ABCB4: variants seen among roughly 807,000 people sequenced by gnomAD.
ABCB4 encodes the protein phosphatidylcholine translocator ABCB4.
In ABCB4, 76 loss-of-function variants were observed where a neutral mutation model predicts 145.7. The observed-to-expected ratio is 0.52, with a 90% CI of 0.43 to 0.63. The LOEUF (loss-of-function observed/expected upper bound fraction) is 0.63, where lower values mean the gene tolerates loss of function less well. ABCB4 is among the 30% of genes least tolerant of loss of function. The pLI, the probability that ABCB4 is intolerant of heterozygous loss-of-function variation, is 0.00. For missense variants in ABCB4, 1,234 were observed against 1,553.1 expected (o/e 0.79, Z 3.45); for synonymous variants, 517 against 566.8 (o/e 0.91, Z 1.25).
At chr7:87,369,235 T>C in the ABCB4 span, 1 of 518,662 alleles carries the variant, frequency 1.9e-6, no homozygotes, top group Non-Finnish European at 3.5e-6. Flanking sequence ...TAATACATTA[T>C]TTTTGTTATG....
In ABCB4 at chr7:87,440,362, T is replaced by G; in HGVS notation, c.1397A>C (p.Asn466Thr). The change falls in exon 13 of 28, where the codon AAC becomes ACC. Residue 466 changes from asparagine (N) to threonine (T), a missense_variant. By Grantham distance (65) the Asn-to-Thr change is moderately conservative. Around this residue, in one of 7 missense-constraint regions of ABCB4, gnomAD observed 467 missense variants for 632.8 expected, o/e 0.74. Coordinates refer to ENST00000649586, the MANE Select transcript of ABCB4 (RefSeq NM_000443.4). The part of the protein sequence containing the change: ...DGQDIRNFNV[N>T]YLREIIGVVS... Reference sequence around the variant, plus strand: ...CACACCAATGATTTCCCTCAGATAGTTTACATTAAAGTTCCTAATATCCTG... The same window carrying G: ...CACACCAATGATTTCCCTCAGATAGGTTACATTAAAGTTCCTAATATCCTG... 6.2e-7 allele frequency: 1 copy of G among 1,614,106 alleles called. No individual in the cohort carries two copies. The highest frequency in any genetic ancestry group is 8.5e-7 in the Non-Finnish European group (1 of 1,180,006).
intron 4 of ABCB4, among the ~76,000 whole-genome samples, chr7:87,457,949 T>C (rs1473158676): frequency 6.6e-6 from 1 of 152,230 alleles, no homozygotes; most frequent in African/African-American, 2.4e-5. Context: ...TCTCCTTTCT[T>C]TGTGTTACAA....
the ABCB4 span, among the ~76,000 whole-genome samples, chr7:87,383,175 G>A: frequency 6.6e-6 from 1 of 152,018 alleles, no homozygotes. Flanking sequence ...GTTAACTATA[G>A]TCAACCTACT....
chr7:87,385,149 T>TC, the ABCB4 span, among the ~76,000 whole-genome samples: 2 of 152,008 alleles, frequency 1.3e-5, no homozygotes, highest in African/African-American at 4.8e-5. Context: ...TTTTTTTTTT[T>TC]CCCCTGGTAT....
At chr7:87,454,725 A>C in intron 4 of ABCB4, 133 bp from the exon 5 acceptor site, 4 of 724,070 alleles carry the variant, frequency 5.5e-6, no homozygotes, top group Non-Finnish European at 9.2e-6. Context: ...CTCTTTAAAA[A>C]ACACTTTTCT....
intron 13 of ABCB4, among the ~76,000 whole-genome samples, 166 bp downstream of exon 13, chr7:87,440,033 C>A (rs1810865001): frequency 1.3e-5 from 2 of 152,110 alleles, no homozygotes; most frequent in Non-Finnish European, 2.9e-5. Context: ...AATCATCTAC[C>A]ATGCTATAAT....
intron 23 of ABCB4, 116 bp from the exon 24 acceptor site, chr7:87,409,508 C>T (rs1192958541): frequency 1.5e-5 from 15 of 1,016,264 alleles, no homozygotes; most frequent in Non-Finnish European, 2.1e-5. Flanking sequence ...TAATCATCCC[C>T]TTTCTCCCCG....
At chr7:87,433,944 T>G (rs1810424997) in intron 14 of ABCB4, among the ~76,000 whole-genome samples, 2 of 151,854 alleles carry the variant, frequency 1.3e-5, no homozygotes, top group South Asian at 4.2e-4. Context: ...TTCTTTTTTT[T>G]TTTTGAGATG....
At chr7:87,367,661 C>T in the ABCB4 span, among the ~76,000 whole-genome samples, 5 of 152,208 alleles carry the variant, frequency 3.3e-5, no homozygotes, top group African/African-American at 1.2e-4. Context: ...TCTTCTATAT[C>T]TGTGCTGAGT....
In ABCB4 at chr7:87,406,456, C is replaced by G. The variant is rs779653372; in HGVS notation, c.3318G>C (p.Gln1106His). The G allele has an allele frequency of 3.7e-6, 6 of 1,613,914 alleles. No homozygotes were observed. The South Asian group carries it at 6.6e-5, about 18-fold the overall frequency. The change falls in exon 26 of 28, where the codon CAG (glutamine) becomes CAC (histidine). Residue 1106 changes from glutamine to histidine, a missense_variant. This residue lies in a region of ABCB4 where 301 missense variants were observed against 389.0 expected (regional missense o/e 0.77). Coordinates refer to ENST00000649586, the MANE Select transcript of ABCB4 (RefSeq NM_000443.4). ...DGQEAKKLNV[Q>H]WLRAQLGIVS... ...CGATTCCGAGTTGAGCTCTGAGCCA[C>G]TGGACATTGAGTTTCTTTGCTTCTT...
At chr7:87,390,576 C>T in the ABCB4 span, among the ~76,000 whole-genome samples, 5 of 152,188 alleles carry the variant, frequency 3.3e-5, no homozygotes, top group African/African-American at 1.2e-4. Flanking sequence ...CTAGTACCCA[C>T]ATTCAGAGAC....
intron 14 of ABCB4, among the ~76,000 whole-genome samples, chr7:87,432,616 A>C (rs992733209): frequency 9.2e-5 from 14 of 152,236 alleles, no homozygotes; most frequent in African/African-American, 3.4e-4. Flanking sequence ...GAAAGAAGCC[A>C]GTCACAAAAG....
At position 87,443,197 on chromosome 7, in the gene ABCB4, C is replaced by T. The variant is rs1041994328; in HGVS notation, c.1356+122G>A. 7.7e-6 allele frequency: 10 copies of T among 1,302,152 alleles called. No homozygotes were observed. In the Admixed American group the frequency reaches 1.7e-4, roughly 22 times the overall value. 80.7% of individuals were successfully genotyped at this position (1,302,152 alleles called of 1,614,324 possible). Reference sequence around the variant, plus strand: ...GTGAAGGCATTATCCATCGGCATTGCCATTTTGTAGGCTTTTTACCAAAAC... The same window carrying T: ...GTGAAGGCATTATCCATCGGCATTGTCATTTTGTAGGCTTTTTACCAAAAC... On this transcript the variant is annotated intron_variant, in intron 12 of 27. Transcript: ENST00000649586.
intron 16 of ABCB4, among the ~76,000 whole-genome samples, chr7:87,425,487 T>C (rs528041087): frequency 6.6e-6 from 1 of 152,326 alleles, no homozygotes; most frequent in Non-Finnish European, 1.5e-5. Flanking sequence ...ATTTCTGCAG[T>C]AATAGCATGC....
chr7:87,388,028 T>C, the ABCB4 span, among the ~76,000 whole-genome samples: 2 of 152,100 alleles, frequency 1.3e-5, no homozygotes, highest in African/African-American at 2.4e-5. Flanking sequence ...GTGGGTCTAT[T>C]ACTGGGGAGC....
At chr7:87,444,216 G>C (rs1233363940) in intron 10 of ABCB4, among the ~76,000 whole-genome samples, 3 of 152,110 alleles carry the variant, frequency 2.0e-5, no homozygotes, top group Admixed American at 2.0e-4. Flanking sequence ...GATTATAGCA[G>C]TTATTTAGAA....
At chr7:87,377,319 T>G in the ABCB4 span, 1 of 1,433,506 alleles carries the variant, frequency 7.0e-7, no homozygotes, top group Non-Finnish European at 9.7e-7. Context: ...ATTAAACCCT[T>G]TTAATTTGGA....
intron 20 of ABCB4, among the ~76,000 whole-genome samples, chr7:87,418,027 CA>C (rs1809110462): frequency 6.6e-6 from 1 of 152,200 alleles, no homozygotes; most frequent in Non-Finnish European, 1.5e-5. Flanking sequence ...TCTCTGCATC[CA>C]TTCCTCCTTC....
intron 4 of ABCB4, among the ~76,000 whole-genome samples, chr7:87,458,985 G>GT (rs147336980): frequency 0.23 from 31,444 of 136,072 alleles, 4,349 homozygotes; most frequent in African/African-American, 0.43. Flanking sequence ...TTAGGCACAA[G>GT]TTAAAAAAAA....
Sources: allele counts gnomAD v4.1 joint callset (sites outside exome capture counted in the v4.1 genomes callset), GRCh38; gene constraint gnomAD v4.1.1; regional missense constraint gnomAD v4.1.1; transcripts MANE v1.5; gene names NCBI Gene and HGNC (gene_info 2026-07-23, HGNC 2026-07-21).